COPB2: variants seen among roughly 807,000 people sequenced by gnomAD.
The protein encoded by COPB2 is coatomer subunit beta'.
A neutral mutation model predicts 120.8 loss-of-function variants in COPB2; 16 were observed. The observed-to-expected ratio is 0.13, with a 90% CI of 0.09 to 0.20. The LOEUF is 0.20. COPB2 is among the 10% of genes least tolerant of loss of function. The pLI is 1.00. For synonymous variants in COPB2, 332 were observed against 366.3 expected, an observed-to-expected ratio of 0.91 and a Z score of 1.07; for missense variants, 794 against 1,076.5, an observed-to-expected ratio of 0.74 and a Z score of 3.67.
intron 10 of COPB2, 80 bp from the exon 11 acceptor site, chr3:139,369,624 A>T: frequency 1.1e-6 from 1 of 894,240 alleles, no homozygotes; most frequent in Non-Finnish European, 1.7e-6. Context: ...ATATCTTCAA[A>T]TATTTTTCAG....
chr3:139,370,646 T>C (rs1941608040), intron 10 of COPB2, among the ~76,000 whole-genome samples: 1 of 152,284 alleles, frequency 6.6e-6, no homozygotes, highest in South Asian at 2.1e-4. Context: ...GCCTCTGCCT[T>C]GAAAAAAGGA....
At chr3:139,387,335 G>GTT (rs1941943952) in intron 1 of COPB2, among the ~76,000 whole-genome samples, 1 of 152,194 alleles carries the variant, frequency 6.6e-6, no homozygotes, top group Non-Finnish European at 1.5e-5. Flanking sequence ...TCTCCCAACA[G>GTT]TTAAGTGACT....
intron 2 of COPB2, 182 bp downstream of exon 2, chr3:139,383,116 G>A: frequency 5.8e-6 from 4 of 691,454 alleles, no homozygotes; most frequent in Non-Finnish European, 7.5e-6. Flanking sequence ...ACCCAGGACA[G>A]TTTCTCCTAC....
chr3:139,367,649 GAAAA>G (rs543848722), intron 13 of COPB2, among the ~76,000 whole-genome samples: 2 of 147,878 alleles, frequency 1.4e-5, no homozygotes, highest in Non-Finnish European at 3.0e-5. Flanking sequence ...GCTCAAAACA[GAAAA>G]AAAAACAAAA....
In COPB2 at chr3:139,357,540, C is replaced by T. The variant is rs1941312246; in HGVS notation, c.*323G>A. 4.7e-6 allele frequency: 1 copy of T among 213,434 alleles called. No homozygotes were observed. Among genetic ancestry groups the T allele is most frequent in the Non-Finnish European group, 9.1e-6 (1 of 109,322 alleles). 13.2% of individuals were successfully genotyped at this position (213,434 alleles called of 1,614,324 possible). A position where few individuals can be genotyped will look rare whatever the true frequency, so the allele number is the denominator to read the frequency against. ...CAAGGTGTAGTTTCGGCTCAGCCTT[C>T]TAAAACTAGAAGCCTATTTTCATTA... On this transcript the variant is annotated 3_prime_UTR_variant, in exon 22 of 22. Coordinates refer to ENST00000333188, the MANE Select transcript of COPB2 (RefSeq NM_004766.3).
rs962001229 is a variant in COPB2 at position 139,357,586 on chromosome 3, C to CTTCA, written c.*273_*276dup. ...CATTATTGAGAAAGGAAACAAGTACCTTCATTAATTCAAAAGGTTTTATGA... is the reference window on the plus strand; with the variant it reads ...CATTATTGAGAAAGGAAACAAGTACCTTCATTCATTAATTCAAAAGGTTTTATGA... On this transcript the variant is annotated 3_prime_UTR_variant, in exon 22 of 22. Transcript: ENST00000333188. 2.2e-5 allele frequency: 6 copies of CTTCA among 274,502 alleles called. No homozygotes were observed. Among genetic ancestry groups the CTTCA allele is most frequent in the African/African-American group, 1.3e-4 (6 of 45,760 alleles). 17.0% of individuals were successfully genotyped at this position (274,502 alleles called of 1,614,324 possible).
chr3:139,360,239 T>G (rs574031127), intron 17 of COPB2, among the ~76,000 whole-genome samples: 1 of 151,404 alleles, frequency 6.6e-6, no homozygotes, highest in South Asian at 2.1e-4. Context: ...AAGAATACTT[T>G]CGGGCTGGGC....
At chr3:139,373,482 T>C (rs908801344) in intron 8 of COPB2, 70 bp from the exon 9 acceptor site, 3 of 1,560,226 alleles carry the variant, frequency 1.9e-6, no homozygotes, top group Middle Eastern at 1.7e-4. Flanking sequence ...AACAGATTAT[T>C]TTTTTCACCT....
chr3:139,374,774 T>C (rs1184686005), intron 6 of COPB2, among the ~76,000 whole-genome samples, 186 bp from the exon 7 acceptor site: 2 of 152,156 alleles, frequency 1.3e-5, no homozygotes, highest in African/African-American at 4.8e-5. Flanking sequence ...TCTAATTACT[T>C]TGTAAAATAA....
intron 2 of COPB2, chr3:139,379,841 A>C (rs1941776243): frequency 4.8e-6 from 1 of 208,620 alleles, no homozygotes; most frequent in Non-Finnish European, 9.6e-6. Flanking sequence ...ATAATGTAGC[A>C]CCTCATAATT....
Position 139,358,289 on chromosome 3 carries a change from G to GAT in COPB2, c.2554-20_2554-19dup, listed in dbSNP as rs1941331985. ...TCAAGTTCCTGAAACCACAAGTGAAGATATATATGAAGACAAGGGAATTTA... is the reference window on the plus strand; with the variant it reads ...TCAAGTTCCTGAAACCACAAGTGAAGATATATATATGAAGACAAGGGAATTTA... On this transcript the variant is annotated intron_variant, in intron 20 of 21. Coordinates refer to ENST00000333188, the MANE Select transcript of COPB2 (RefSeq NM_004766.3). The GAT allele has an allele frequency of 1.2e-6, 2 of 1,603,542 alleles. No homozygotes were observed. The highest frequency in any genetic ancestry group is 3.3e-5 in the Admixed American group (2 of 60,000).
chr3:139,382,790 G>A (rs1941838186), intron 2 of COPB2: 1 of 176,114 alleles, frequency 5.7e-6, no homozygotes, highest in South Asian at 1.3e-4. Context: ...TATTTACTCA[G>A]GTGAAAGAGA....
chr3:139,387,247 T>G (rs530176006), intron 1 of COPB2, among the ~76,000 whole-genome samples: 31 of 134,766 alleles, frequency 2.3e-4, no homozygotes, highest in African/African-American at 7.8e-4. Flanking sequence ...AAGAAGGAAG[T>G]AAGGAAGGAA....
intron 17 of COPB2, among the ~76,000 whole-genome samples, chr3:139,360,182 T>G (rs990676195): frequency 1.5e-4 from 12 of 81,432 alleles, no homozygotes; most frequent in African/African-American, 3.5e-4. Flanking sequence ...TATGGCGAAG[T>G]ATGGGATTGT....
chr3:139,358,027 T>C, intron 21 of COPB2, 69 bp from the exon 22 acceptor site: 1 of 1,046,808 alleles, frequency 9.6e-7, no homozygotes, highest in Admixed American at 2.4e-5. Flanking sequence ...CGTGGGTTCA[T>C]GATTCAAAGT....
At chr3:139,371,664 A>G in intron 10 of COPB2, 59 bp downstream of exon 10, 11 of 1,418,676 alleles carry the variant, frequency 7.8e-6, no homozygotes, top group East Asian at 2.3e-5. Flanking sequence ...AGAGTCTTCA[A>G]GCAGCACACA....
At chr3:139,360,992 A>G (rs1195279444) in intron 17 of COPB2, 89 bp downstream of exon 17, 3 of 1,424,956 alleles carry the variant, frequency 2.1e-6, no homozygotes, top group East Asian at 4.6e-5. Context: ...TTGGCCATTC[A>G]TCAGTTCTCT....
At chr3:139,375,670 A>G in intron 5 of COPB2, 56 bp from the exon 6 acceptor site, 4 of 1,566,494 alleles carry the variant, frequency 2.6e-6, no homozygotes, top group South Asian at 1.2e-5. Context: ...TACAAAAGGC[A>G]AATCCACCAT....
intron 12 of COPB2, 73 bp downstream of exon 12, chr3:139,369,188 T>A: frequency 8.5e-7 from 1 of 1,177,860 alleles, no homozygotes; most frequent in Admixed American, 2.1e-5. Context: ...CAAAAGACAC[T>A]TCTTGGCCTT....
Sources: gnomAD v4.1 joint callset for allele counts (sites outside exome capture counted in the v4.1 genomes callset) on GRCh38, gnomAD v4.1.1 for gene constraint, MANE v1.5 for transcripts, NCBI Gene and HGNC (gene_info 2026-07-23, HGNC 2026-07-21) for gene names.